PRPSAP2: variants seen among roughly 807,000 people sequenced by gnomAD.
The protein encoded by PRPSAP2 is phosphoribosyl pyrophosphate synthase-associated protein 2.
In PRPSAP2, 24 loss-of-function variants were observed where a neutral mutation model predicts 40.6. The ratio of observed to expected loss-of-function variants is 0.59; its 90% CI spans 0.43 to 0.83. PRPSAP2 has a LOEUF of 0.83. Ranked by LOEUF, PRPSAP2 falls within the 40% of genes least tolerant of loss-of-function variation. PRPSAP2 has a pLI of 0.00. For synonymous variants in PRPSAP2, 149 were observed against 164.7 expected (o/e 0.90, Z 0.73); for missense variants, 292 against 465.6 (o/e 0.63, Z 3.43).
At chr17:18,896,814 A>G (rs2039938052) in intron 8 of PRPSAP2, among the ~76,000 whole-genome samples, 2 of 152,060 alleles carry the variant, frequency 1.3e-5, no homozygotes, top group African/African-American at 4.8e-5. Context: ...AGAAGCTCCA[A>G]ACCTGTTCTT....
intron 8 of PRPSAP2, among the ~76,000 whole-genome samples, chr17:18,890,642 G>C (rs2039485506): frequency 6.6e-6 from 1 of 152,182 alleles, no homozygotes; most frequent in Non-Finnish European, 1.5e-5. Context: ...AAGCAATCCA[G>C]TTCTGGGGAA....
chr17:18,916,452 C>T (rs573239536), intron 9 of PRPSAP2, among the ~76,000 whole-genome samples: 10 of 151,324 alleles, frequency 6.6e-5, no homozygotes, highest in South Asian at 6.3e-4. Flanking sequence ...CTTGGCTCAC[C>T]GCAACTTCCA....
chr17:18,880,906 TCA>T (rs2038681624), intron 6 of PRPSAP2, among the ~76,000 whole-genome samples: 1 of 151,892 alleles, frequency 6.6e-6, no homozygotes, highest in Non-Finnish European at 1.5e-5. Flanking sequence ...TGATCTCAGC[TCA>T]CTGCAACCTC....
chr17:18,885,683 G>A (rs900194855), intron 7 of PRPSAP2, among the ~76,000 whole-genome samples: 20 of 152,026 alleles, frequency 1.3e-4, no homozygotes, highest in Non-Finnish European at 2.2e-4. Flanking sequence ...CCCCTCCCAG[G>A]TTCAAGTGAT....
At chr17:18,881,242 CTT>C (rs1223985566) in intron 6 of PRPSAP2, among the ~76,000 whole-genome samples, 1 of 145,004 alleles carries the variant, frequency 6.9e-6, no homozygotes, top group Admixed American at 6.9e-5. Flanking sequence ...ACAATTTTGT[CTT>C]TTTTTTTTTG....
chr17:18,914,345 C>T (rs373994357), intron 9 of PRPSAP2, among the ~76,000 whole-genome samples: 1 of 148,162 alleles, frequency 6.7e-6, no homozygotes, highest in East Asian at 2.0e-4. Context: ...GCAGCCTCCA[C>T]CTCCCGGGCC....
At chr17:18,891,893 G>A (rs1486851799) in intron 8 of PRPSAP2, among the ~76,000 whole-genome samples, 1 of 152,236 alleles carries the variant, frequency 6.6e-6, no homozygotes, top group African/African-American at 2.4e-5. Flanking sequence ...ATCTTACTCT[G>A]TTGCCGAGGC....
At chr17:18,910,642 A>C (rs1316593693) in intron 8 of PRPSAP2, among the ~76,000 whole-genome samples, 1 of 152,120 alleles carries the variant, frequency 6.6e-6, no homozygotes, top group Non-Finnish European at 1.5e-5. Flanking sequence ...GAGCTCATGA[A>C]ATTATATACT....
chr17:18,908,013 C>G (rs1459097449), intron 8 of PRPSAP2, among the ~76,000 whole-genome samples: 1 of 152,128 alleles, frequency 6.6e-6, no homozygotes, highest in Non-Finnish European at 1.5e-5. Context: ...GTGGCACACC[C>G]TGTAATCCCA....
chr17:18,880,420 A>G (rs542061707), intron 6 of PRPSAP2, among the ~76,000 whole-genome samples: 2 of 150,862 alleles, frequency 1.3e-5, no homozygotes, highest in East Asian at 1.9e-4. Context: ...TTTTTTCCCC[A>G]TGGGTCTCAG....
intron 8 of PRPSAP2, among the ~76,000 whole-genome samples, chr17:18,909,240 CTTTTTT>C (rs71155371): frequency 1.0e-5 from 1 of 95,994 alleles, no homozygotes. Flanking sequence ...ACAGTGTGGC[CTTTTTT>C]TTTTTTTTTT....
At chr17:18,889,480 C>T (rs181295344) in intron 7 of PRPSAP2, among the ~76,000 whole-genome samples, 1 of 152,224 alleles carries the variant, frequency 6.6e-6, no homozygotes, top group Admixed American at 6.5e-5. Context: ...AGCTTGTATT[C>T]AGATTGAATT....
intron 9 of PRPSAP2, among the ~76,000 whole-genome samples, chr17:18,921,236 A>G (rs2041673291): frequency 6.6e-6 from 1 of 152,158 alleles, no homozygotes; most frequent in South Asian, 2.1e-4. Flanking sequence ...TGTGGCAGGA[A>G]ATATATGTGG....
At chr17:18,904,827 A>G (rs1024015953) in intron 8 of PRPSAP2, 1 of 152,190 alleles carries the variant, frequency 6.6e-6, no homozygotes, top group African/African-American at 2.4e-5. Flanking sequence ...CATGATGTAA[A>G]TTAACTCATT....
intron 4 of PRPSAP2, among the ~76,000 whole-genome samples, chr17:18,872,170 G>A (rs189877188): frequency 0.01 from 1,588 of 152,070 alleles, 19 homozygotes; most frequent in African/African-American, 0.037. Flanking sequence ...CCACTCGGGA[G>A]GCTGAGGCAG....
chr17:18,857,579 A>G (rs2036665297), upstream of PRPSAP2, among the ~76,000 whole-genome samples: 1 of 90,680 alleles, frequency 1.1e-5, no homozygotes, highest in East Asian at 2.6e-4. Context: ...ACGCCTGGCT[A>G]ATTTTTTTTT....
intron 8 of PRPSAP2, among the ~76,000 whole-genome samples, chr17:18,910,642 AAT>A (rs1182191216): frequency 1.3e-5 from 2 of 152,120 alleles, no homozygotes. Flanking sequence ...GAGCTCATGA[AAT>A]TATATACTTT....
At chr17:18,916,316 C>G (rs1215517296) in intron 9 of PRPSAP2, among the ~76,000 whole-genome samples, 1 of 151,982 alleles carries the variant, frequency 6.6e-6, no homozygotes, top group Non-Finnish European at 1.5e-5. Flanking sequence ...ACTCACTTCT[C>G]AGTACCAATT....
chr17:18,914,980 C>T (rs1036322116), intron 9 of PRPSAP2, among the ~76,000 whole-genome samples: 3 of 151,834 alleles, frequency 2.0e-5, no homozygotes, highest in Admixed American at 6.6e-5. Context: ...CCTGCCTCAG[C>T]CTCCCAAAGT....
Sources: gnomAD v4.1 joint callset for allele counts (sites outside exome capture counted in the v4.1 genomes callset) on GRCh38, gnomAD v4.1.1 for gene constraint, MANE v1.5 for transcripts, NCBI Gene and HGNC (gene_info 2026-07-23, HGNC 2026-07-21) for gene names.